The following FAM83B variants were observed in gnomAD, a reference collection of about 807,000 sequenced individuals.
FAM83B encodes scaffolding CK1 anchoring protein B.
FAM83B carries 26 observed loss-of-function variants against 38.8 expected under a neutral mutation model. That is an observed-to-expected ratio of 0.67 (90% confidence interval 0.49 to 0.93). The LOEUF is 0.93. Ranked by LOEUF, FAM83B falls within the 40% of genes least tolerant of loss-of-function variation. The pLI is 0.00. For missense variants in FAM83B, 1,237 were observed against 1,197.3 expected (o/e 1.03, Z -0.49); for synonymous variants, 419 against 423.1 (o/e 0.99, Z 0.12).
rs568549647 is a variant in FAM83B, at chr6:54,912,398, T to A, written c.445-13973T>A. On this transcript the variant is annotated intron_variant, in intron 2 of 4. Coordinates refer to ENST00000306858, the MANE Select transcript of FAM83B (RefSeq NM_001010872.3). ...ACCTGAATTCATAAAGGAAGTGAAT[T>A]ATGCTTCATAATTTCCCCAGCCAAA... Among the ~76,000 whole-genome samples, 372 of 149,950 alleles carry A rather than the reference T, an allele frequency of 2.5e-3. 2 individuals carry two copies. Among genetic ancestry groups the A allele is most frequent in the African/African-American group, 8.6e-3 (354 of 40,998 alleles).
At chr6:54,872,207 C>T (rs550094060) in intron 2 of FAM83B, among the ~76,000 whole-genome samples, 2 of 152,236 alleles carry the variant, frequency 1.3e-5, no homozygotes, top group South Asian at 4.2e-4. Context: ...TAGAATCAGG[C>T]TCACTGTAAG....
intron 2 of FAM83B, among the ~76,000 whole-genome samples, chr6:54,879,933 A>T (rs923264386): frequency 6.6e-6 from 1 of 152,256 alleles, no homozygotes; most frequent in Non-Finnish European, 1.5e-5. Context: ...ATTTCCTACT[A>T]GAATAGAATG....
At chr6:54,847,040 C>T (rs80199234) in intron 1 of FAM83B, among the ~76,000 whole-genome samples, 2,179 of 152,228 alleles carry the variant, frequency 0.014, 62 homozygotes, top group African/African-American at 0.049. Context: ...GTCTTTTCTA[C>T]GTTTCTTTCA....
intron 2 of FAM83B, among the ~76,000 whole-genome samples, chr6:54,915,534 C>T (rs1440748797): frequency 1.1e-5 from 1 of 91,266 alleles, no homozygotes; most frequent in Non-Finnish European, 2.1e-5. Flanking sequence ...TGGCCGGGCG[C>T]GGTGGCTCAC....
At position 54,881,468 on chromosome 6, in the gene FAM83B, C is replaced by G. The variant is rs537424395; in HGVS notation, c.444+10778C>G. Among the ~76,000 whole-genome samples the G allele has an allele frequency of 8.6e-5, 13 of 151,986 alleles. No individual in the cohort carries two copies. In the South Asian group the frequency reaches 2.3e-3, roughly 27 times the overall value. Reference sequence around the variant, plus strand: ...TTTGAATTTTTTTCTTCCTTGAACTCAAACACAGGCAATAAATAAACATGA... The same window carrying G: ...TTTGAATTTTTTTCTTCCTTGAACTGAAACACAGGCAATAAATAAACATGA... On this transcript the variant is annotated intron_variant, in intron 2 of 4. Coordinates refer to ENST00000306858, the MANE Select transcript of FAM83B (RefSeq NM_001010872.3).
Position 54,870,420 on chromosome 6 carries a change from G to T in FAM83B, c.174G>T (p.Glu58Asp), listed in dbSNP as rs555330987. 22 of 1,613,890 alleles carry T rather than the reference G, an allele frequency of 1.4e-5. No individual in the cohort carries two copies. Among genetic ancestry groups the T allele is most frequent in the Non-Finnish European group, 1.8e-5 (21 of 1,179,972 alleles). ...VQERVSDFLA[E>D]EEINYILKNV... ...AACGAGTTTCAGACTTTCTTGCTGA[G>T]GAAGAAATTAATTATATTTTGAAAA... Residue 58 changes from glutamate (E) to aspartate (D), a missense_variant, in exon 2 of 5, where the codon GAG becomes GAT. Physicochemically the swap from Glu to Asp is conservative, Grantham distance 45. Transcript: ENST00000306858.
At position 54,942,000 on chromosome 6, in the gene FAM83B, A is replaced by C. The variant is rs1773716406; in HGVS notation, c.3029A>C (p.Asn1010Thr). The C allele has an allele frequency of 1.9e-6, 3 of 1,590,306 alleles. No individual in the cohort carries two copies. The highest frequency in any genetic ancestry group is 2.6e-6 in the Non-Finnish European group (3 of 1,169,756). The change falls in exon 5 of 5, where the codon AAT (asparagine) becomes ACT (threonine). Residue 1010 changes from asparagine to threonine, a missense_variant. Asn to Thr is a moderately conservative substitution (Grantham distance 65). Transcript: ENST00000306858. ...MQKFGNFIHK[N>T]K ...AAGTTTGGAAACTTTATACACAAAA[A>C]TAAATAGCTATTAAAATGCAAAATG...
rs200423933 is a variant in FAM83B at position 54,870,271 on chromosome 6, T to G, written c.25T>G (p.Ser9Ala). Residue 9 changes from serine to alanine, a missense_variant, in exon 2 of 5, where the codon TCA becomes GCA. By Grantham distance (99) the Ser-to-Ala change is moderately conservative (BLOSUM62 1). Coordinates refer to ENST00000306858, the MANE Select transcript of FAM83B (RefSeq NM_001010872.3). Reference protein sequence around the residue: METSSMLSSLNDECKSDNY... With the variant: METSSMLSALNDECKSDNY... Reference sequence around the variant, plus strand: ...CATGGAGACCTCATCAATGCTTTCCTCATTGAATGATGAGTGTAAATCTGA... The same window carrying G: ...CATGGAGACCTCATCAATGCTTTCCGCATTGAATGATGAGTGTAAATCTGA... 5.4e-5 allele frequency: 87 copies of G among 1,613,586 alleles called. 2 individuals carry two copies. The South Asian group carries it at 5.9e-4, about 11-fold the overall frequency.
At chr6:54,875,846 A>G in intron 2 of FAM83B, among the ~76,000 whole-genome samples, 1 of 152,192 alleles carries the variant, frequency 6.6e-6, no homozygotes, top group Non-Finnish European at 1.5e-5. Flanking sequence ...CCTGCCAACA[A>G]TTGCTGTGTC....
At chr6:54,925,069 C>T (rs1439890952) in intron 2 of FAM83B, among the ~76,000 whole-genome samples, 3 of 152,220 alleles carry the variant, frequency 2.0e-5, no homozygotes, top group Middle Eastern at 3.4e-3. Context: ...CCTGCTATCT[C>T]GTTTCTGTTT....
chr6:54,918,818 A>T (rs1368880807), intron 2 of FAM83B, among the ~76,000 whole-genome samples: 1 of 152,250 alleles, frequency 6.6e-6, no homozygotes, highest in East Asian at 1.9e-4. Context: ...GGTTGAACTA[A>T]ATATGCTTTG....
At chr6:54,846,397 C>T (rs1264031520), upstream of FAM83B, among the ~76,000 whole-genome samples, 2 of 152,340 alleles carry the variant, frequency 1.3e-5, no homozygotes, top group African/African-American at 2.4e-5. Context: ...GATCCGCCTT[C>T]TTCCCAGGTG....
intron 2 of FAM83B, among the ~76,000 whole-genome samples, chr6:54,897,474 A>T (rs994434861): frequency 6.6e-6 from 1 of 151,548 alleles, no homozygotes. Flanking sequence ...AGGCCCTAAA[A>T]TTTTTTTTTA....
intron 1 of FAM83B, among the ~76,000 whole-genome samples, chr6:54,847,790 T>C (rs938612680): frequency 2.6e-5 from 4 of 152,076 alleles, no homozygotes; most frequent in Non-Finnish European, 4.4e-5. Context: ...GCGGTGAAGT[T>C]ATAGGGTCTC....
At position 54,875,728 on chromosome 6, in the gene FAM83B, G is replaced by A. The variant is rs9464156; in HGVS notation, c.444+5038G>A. On this transcript the variant is annotated intron_variant, in intron 2 of 4. Transcript: ENST00000306858. ...AAGGTGGGGAAGAAGAGGTGGAGGG[G>A]AAGAGGGAAGGTGGAAGAAAGGGAG... Among the ~76,000 whole-genome samples, 737 of 75,142 alleles carry A rather than the reference G, an allele frequency of 9.8e-3. 9 individuals are homozygous for A. The highest frequency in any genetic ancestry group is 0.031 in the African/African-American group (690 of 21,978). The allele number at this position is 75,142 out of a possible 152,430, so 49.3% of individuals were successfully genotyped here. A position where few individuals can be genotyped will look rare whatever the true frequency, so the allele number is the denominator to read the frequency against.
At chr6:54,866,377 T>C (rs573096685) in intron 1 of FAM83B, among the ~76,000 whole-genome samples, 1 of 152,252 alleles carries the variant, frequency 6.6e-6, no homozygotes, top group Non-Finnish European at 1.5e-5. Flanking sequence ...AAAACTATAA[T>C]ACTGTATCGT....
chr6:54,908,180 C>T (rs1175234370), intron 2 of FAM83B, among the ~76,000 whole-genome samples: 4 of 148,628 alleles, frequency 2.7e-5, no homozygotes, highest in East Asian at 2.0e-4. Flanking sequence ...GTGGGTGCTG[C>T]GTAAAGGATA....
chr6:54,927,701 A>G, intron 4 of FAM83B, 69 bp downstream of exon 4: 1 of 903,338 alleles, frequency 1.1e-6, no homozygotes, highest in Non-Finnish European at 1.5e-6. Flanking sequence ...AAATTTTAAT[A>G]TAATCAGTTA....
At chr6:54,889,377 C>T (rs1041967203) in intron 2 of FAM83B, among the ~76,000 whole-genome samples, 3 of 152,024 alleles carry the variant, frequency 2.0e-5, no homozygotes, top group South Asian at 4.1e-4. Context: ...ATGATTTTAA[C>T]CATTATCCCA....
Sources: gnomAD v4.1 joint callset for allele counts (sites outside exome capture counted in the v4.1 genomes callset) on GRCh38, gnomAD v4.1.1 for gene constraint, MANE v1.5 for transcripts, NCBI Gene and HGNC (gene_info 2026-07-23, HGNC 2026-07-21) for gene names.